The following ANTXR1 variants were observed in gnomAD, a reference collection of about 807,000 sequenced individuals.
ANTXR1 encodes anthrax toxin receptor 1.
ANTXR1 carries 19 observed loss-of-function variants against 78.1 expected under a neutral mutation model. The observed-to-expected ratio is 0.24, with a 90% CI of 0.17 to 0.36. The LOEUF is 0.36. Among genes scored for constraint, ANTXR1 ranks in the 10% least tolerant of loss-of-function variants. ANTXR1 has a pLI of 1.00. For missense variants in ANTXR1, 518 were observed against 718.6 expected, an observed-to-expected ratio of 0.72 and a Z score of 3.19; for synonymous variants, 273 against 260.5, an observed-to-expected ratio of 1.05 and a Z score of -0.46.
intron 17 of ANTXR1, among the ~76,000 whole-genome samples, chr2:69,195,941 A>G (rs1271395410): frequency 2.0e-5 from 3 of 152,194 alleles, no homozygotes; most frequent in African/African-American, 7.2e-5. Context: ...ACCAATTCAT[A>G]AACTGGGTCA....
chr2:69,170,081 A>T (rs1246054215), intron 13 of ANTXR1, among the ~76,000 whole-genome samples, 167 bp from the exon 14 acceptor site: 1 of 152,182 alleles, frequency 6.6e-6, no homozygotes, highest in Non-Finnish European at 1.5e-5. Flanking sequence ...TAGCAGAGCT[A>T]CTCTGTCCAG....
At chr2:69,109,770 A>C (rs1671921285) in intron 10 of ANTXR1, among the ~76,000 whole-genome samples, 1 of 152,350 alleles carries the variant, frequency 6.6e-6, no homozygotes, top group East Asian at 1.9e-4. Flanking sequence ...AAATGTATAT[A>C]ATCTTCCAGG....
intron 3 of ANTXR1, among the ~76,000 whole-genome samples, chr2:69,052,254 A>G (rs1393577420): frequency 6.6e-6 from 1 of 152,048 alleles, no homozygotes; most frequent in Non-Finnish European, 1.5e-5. Context: ...AGTTTTAATT[A>G]TATATTTTTA....
chr2:69,238,437 A>T (rs1450555747), intron 17 of ANTXR1, among the ~76,000 whole-genome samples: 1 of 152,184 alleles, frequency 6.6e-6, no homozygotes, highest in Non-Finnish European at 1.5e-5. Flanking sequence ...TAAATTAACA[A>T]ATGAAGAGAA....
intron 10 of ANTXR1, among the ~76,000 whole-genome samples, chr2:69,113,554 G>C (rs1193843416): frequency 6.6e-6 from 1 of 152,106 alleles, no homozygotes; most frequent in Non-Finnish European, 1.5e-5. Context: ...CACTTTAGTG[G>C]CCCAAGTGTG....
At chr2:69,208,239 G>C (rs1427389322) in intron 17 of ANTXR1, among the ~76,000 whole-genome samples, 1 of 152,172 alleles carries the variant, frequency 6.6e-6, no homozygotes, top group Admixed American at 6.5e-5. Flanking sequence ...CTGTCAGTGG[G>C]ATTACAAACT....
intron 3 of ANTXR1, among the ~76,000 whole-genome samples, chr2:69,051,690 A>G (rs114313313): frequency 0.025 from 3,874 of 152,080 alleles, 79 homozygotes; most frequent in South Asian, 0.032. Context: ...AATATTTTAT[A>G]TTTTTGTTTA....
chr2:69,198,895 A>G (rs1357656775), intron 17 of ANTXR1, among the ~76,000 whole-genome samples: 1 of 152,204 alleles, frequency 6.6e-6, no homozygotes, highest in Non-Finnish European at 1.5e-5. Flanking sequence ...ATTATCTTGA[A>G]TGCCTTGAAG....
At chr2:69,119,706 C>T (rs552409957) in intron 10 of ANTXR1, among the ~76,000 whole-genome samples, 17 of 152,308 alleles carry the variant, frequency 1.1e-4, no homozygotes, top group African/African-American at 4.1e-4. Context: ...TACAAGGAAA[C>T]GAAGCACAGC....
chr2:69,121,242 A>G (rs1672337199), intron 10 of ANTXR1, among the ~76,000 whole-genome samples: 1 of 152,226 alleles, frequency 6.6e-6, no homozygotes, highest in South Asian at 2.1e-4. Context: ...GCCTTAGCAC[A>G]TTGCTTGGCA....
At chr2:69,174,253 T>G (rs563061251) in intron 14 of ANTXR1, among the ~76,000 whole-genome samples, 100 of 152,324 alleles carry the variant, frequency 6.6e-4, no homozygotes, top group African/African-American at 2.4e-3. Context: ...TTTTTGATAT[T>G]TAAAAATCTT....
At chr2:69,031,292 T>C (rs2104030365) in intron 1 of ANTXR1, among the ~76,000 whole-genome samples, 1 of 152,330 alleles carries the variant, frequency 6.6e-6, no homozygotes, top group South Asian at 2.1e-4. Flanking sequence ...TTAAGGGCCA[T>C]CTTGCCATCT....
chr2:69,208,898 G>A (rs1674970805), intron 17 of ANTXR1, among the ~76,000 whole-genome samples: 1 of 152,144 alleles, frequency 6.6e-6, no homozygotes, highest in African/African-American at 2.4e-5. Flanking sequence ...CAGCATGTTA[G>A]GTGTTTGGGG....
intron 3 of ANTXR1, among the ~76,000 whole-genome samples, chr2:69,052,806 G>C (rs1669963092): frequency 6.6e-6 from 1 of 151,998 alleles, no homozygotes; most frequent in Non-Finnish European, 1.5e-5. Flanking sequence ...ACATCTGAGA[G>C]AATGTTTCAT....
Position 69,245,694 on chromosome 2 carries a change from A to G in ANTXR1, c.*209A>G. 1.6e-6 allele frequency: 1 copy of G among 637,376 alleles called. No homozygotes were observed. Among genetic ancestry groups the G allele is most frequent in the South Asian group, 2.0e-5 (1 of 50,620 alleles). The allele number at this position is 637,376 out of a possible 1,614,324, so 39.5% of individuals were successfully genotyped here. On this transcript the variant is annotated 3_prime_UTR_variant, in exon 18 of 18. Transcript: ENST00000303714. The stretch of plus-strand genomic sequence containing the variant: ...AGAAAACAAATGATGAGGCAACTAC[A>G]GTCAGATTTATAGCCAGCCATCTAT...
At chr2:69,068,334 A>G (rs1191604139) in intron 3 of ANTXR1, among the ~76,000 whole-genome samples, 1 of 152,256 alleles carries the variant, frequency 6.6e-6, no homozygotes, top group Non-Finnish European at 1.5e-5. Context: ...AAGTGCTATA[A>G]AGCAAAATTG....
intron 1 of ANTXR1, among the ~76,000 whole-genome samples, chr2:69,019,879 C>G (rs1186481000): frequency 6.6e-6 from 1 of 152,162 alleles, no homozygotes; most frequent in Admixed American, 6.5e-5. Flanking sequence ...TAACAGCCTC[C>G]AGCTCCACCC....
At chr2:69,105,551 T>C (rs563270551) in intron 10 of ANTXR1, among the ~76,000 whole-genome samples, 1 of 152,328 alleles carries the variant, frequency 6.6e-6, no homozygotes, top group Admixed American at 6.5e-5. Flanking sequence ...GTAGAAAAGA[T>C]GAACAAATTC....
At chr2:69,135,706 T>C (rs949999819) in intron 12 of ANTXR1, among the ~76,000 whole-genome samples, 1 of 152,136 alleles carries the variant, frequency 6.6e-6, no homozygotes, top group Non-Finnish European at 1.5e-5. Context: ...TGATCTGCAC[T>C]TAATGACATA....
Sources: allele counts gnomAD v4.1 joint callset (sites outside exome capture counted in the v4.1 genomes callset), GRCh38; gene constraint gnomAD v4.1.1; transcripts MANE v1.5; gene names NCBI Gene and HGNC (gene_info 2026-07-23, HGNC 2026-07-21).